The following UCMA variants were observed in gnomAD, a reference collection of about 807,000 sequenced individuals.
The protein encoded by UCMA is upper zone of growth plate and cartilage matrix-associated protein.
Under a neutral mutation model 21.8 loss-of-function variants are expected in UCMA, and 21 were observed. The observed-to-expected ratio is 0.97, with a 90% CI of 0.68 to 1.39. The LOEUF is 1.39. Ranked by LOEUF, UCMA falls within the 40% of genes most tolerant of loss-of-function variation. The pLI, the probability that UCMA is intolerant of heterozygous loss-of-function variation, is 0.00. For missense variants in UCMA, 193 were observed against 178.9 expected (o/e 1.08, Z -0.45); for synonymous variants, 76 against 67.9 (o/e 1.12, Z -0.58).
rs1834941418 is a variant in UCMA, at chr10:13,234,273, G to A, written c.-15C>T. On this transcript the variant is annotated 5_prime_UTR_variant, in exon 1 of 5. Coordinates refer to ENST00000378681, the MANE Select transcript of UCMA (RefSeq NM_145314.3). The stretch of plus-strand genomic sequence containing the variant: ...CTCCAAGTCATCTTTGCAGAGGTAG[G>A]GGCTCCGTCCAGGACCCACAAGGCA... 8.1e-6 allele frequency: 13 copies of A among 1,613,240 alleles called. No homozygotes were observed. The highest frequency in any genetic ancestry group is 9.3e-6 in the Non-Finnish European group (11 of 1,179,894).
intron 3 of UCMA, among the ~76,000 whole-genome samples, chr10:13,232,374 A>G (rs79766380): frequency 3.4e-5 from 2 of 59,604 alleles, no homozygotes; most frequent in South Asian, 6.1e-4. Flanking sequence ...TCCATCTCAA[A>G]AAAAAAAAAA....
At chr10:13,232,691 T>A (rs181761573) in intron 3 of UCMA, among the ~76,000 whole-genome samples, 1 of 152,300 alleles carries the variant, frequency 6.6e-6, no homozygotes, top group Non-Finnish European at 1.5e-5. Context: ...GCAAGTCACC[T>A]TGCTGAGTGC....
At chr10:13,231,107 CTTAA>C (rs1311207369) in intron 3 of UCMA, among the ~76,000 whole-genome samples, 3 of 151,962 alleles carry the variant, frequency 2.0e-5, no homozygotes, top group Non-Finnish European at 2.9e-5. Context: ...AGACGCTTAC[CTTAA>C]TTAATGAATT....
intron 3 of UCMA, 69 bp downstream of exon 3, chr10:13,233,469 G>A: frequency 1.6e-6 from 2 of 1,284,910 alleles, no homozygotes; most frequent in South Asian, 1.3e-5. Context: ...GACTGTGGGA[G>A]AGGAGGAGCC....
At position 13,234,279 on chromosome 10, in the gene UCMA, C is replaced by T. The variant is rs748182067; in HGVS notation, c.-21G>A. ...GTCATCTTTGCAGAGGTAGGGGCTC[C>T]GTCCAGGACCCACAAGGCAGACCAG... is the stretch of plus-strand genomic sequence containing the variant. On this transcript the variant is annotated 5_prime_UTR_variant, in exon 1 of 5. Coordinates refer to ENST00000378681, the MANE Select transcript of UCMA (RefSeq NM_145314.3). 1.2e-5 allele frequency: 19 copies of T among 1,612,516 alleles called. No individual in the cohort carries two copies. The highest frequency in any genetic ancestry group is 1.8e-4 in the Middle Eastern group (1 of 5,678).
intron 4 of UCMA, among the ~76,000 whole-genome samples, chr10:13,226,570 C>T (rs1834826325): frequency 6.6e-6 from 1 of 152,132 alleles, no homozygotes; most frequent in African/African-American, 2.4e-5. Context: ...AGCAATGCTC[C>T]CACTTTGGCC....
At chr10:13,232,381 AAAAAAAAAAAAAAAG>A (rs1015744754) in intron 3 of UCMA, among the ~76,000 whole-genome samples, 1 of 149,768 alleles carries the variant, frequency 6.7e-6, no homozygotes, top group Non-Finnish European at 1.5e-5. Context: ...CAAAAAAAAA[AAAAAAAAAAAAAAAG>A]AGGACAGAAG....
At position 13,227,669 on chromosome 10, in the gene UCMA, A is replaced by G. The variant is rs147829406; in HGVS notation, c.319+1942T>C. On this transcript the variant is annotated intron_variant, in intron 4 of 4. Coordinates refer to ENST00000378681, the MANE Select transcript of UCMA (RefSeq NM_145314.3). ...GAGCGGGAGGTTGCGGTGAGCTGAG[A>G]TCATGCCACTGCACTCCAGCCTGGG... 3.2e-3 allele frequency among the ~76,000 whole-genome samples: 465 copies of G among 145,660 alleles called. 6 individuals carry two copies. Among genetic ancestry groups the G allele is most frequent in the African/African-American group, 0.011 (423 of 39,576 alleles).
At chr10:13,224,552 TAAA>T (rs1330243589) in intron 4 of UCMA, among the ~76,000 whole-genome samples, 1 of 152,166 alleles carries the variant, frequency 6.6e-6, no homozygotes, top group Non-Finnish European at 1.5e-5. Context: ...TGTCAAGAAT[TAAA>T]GAACCAAGAT....
At chr10:13,231,889 A>G (rs777206993) in intron 3 of UCMA, among the ~76,000 whole-genome samples, 4 of 152,210 alleles carry the variant, frequency 2.6e-5, no homozygotes, top group African/African-American at 4.8e-5. Context: ...ATCCAACCTG[A>G]GGCATCGCTG....
In UCMA at chr10:13,228,767, C is replaced by G. The variant is rs114981566; in HGVS notation, c.319+844G>C. Among the ~76,000 whole-genome samples the G allele has an allele frequency of 3.9e-5, 6 of 152,072 alleles. No individual in the cohort carries two copies. The East Asian group carries it at 1.2e-3, about 29-fold the overall frequency. On this transcript the variant is annotated intron_variant, in intron 4 of 4. Coordinates refer to ENST00000378681, the MANE Select transcript of UCMA (RefSeq NM_145314.3). ...CTTAGACGGAGAACACAGACCAGTG[C>G]GGTGATGCCCAAATAGGAGGAGGGA...
At chr10:13,228,848 C>CT (rs1834859160) in intron 4 of UCMA, among the ~76,000 whole-genome samples, 1 of 151,840 alleles carries the variant, frequency 6.6e-6, no homozygotes, top group South Asian at 2.1e-4. Flanking sequence ...TCCCCACAGC[C>CT]CCAAGCCAAT....
At chr10:13,230,899 A>G (rs1357325307) in intron 3 of UCMA, among the ~76,000 whole-genome samples, 1 of 152,190 alleles carries the variant, frequency 6.6e-6, no homozygotes, top group East Asian at 1.9e-4. Flanking sequence ...TCTACTAAAA[A>G]TACAACAATT....
At chr10:13,234,122 C>G in intron 1 of UCMA, 79 bp downstream of exon 1, 3 of 1,400,760 alleles carry the variant, frequency 2.1e-6, no homozygotes, top group Non-Finnish European at 2.9e-6. Flanking sequence ...CCTGCATCAC[C>G]TGAGCAGCCT....
intron 3 of UCMA, among the ~76,000 whole-genome samples, chr10:13,231,652 G>A (rs1262219486): frequency 6.6e-6 from 1 of 152,218 alleles, no homozygotes; most frequent in African/African-American, 2.4e-5. Context: ...ACAAATTAGA[G>A]CTTTGACGTA....
At chr10:13,223,105 A>T (rs2131601306) in intron 4 of UCMA, among the ~76,000 whole-genome samples, 1 of 152,142 alleles carries the variant, frequency 6.6e-6, no homozygotes, top group Admixed American at 6.5e-5. Context: ...ACACACCTGT[A>T]ATCCCAGCTA....
In UCMA at chr10:13,226,684, G is replaced by A. The variant is rs936833910; in HGVS notation, c.319+2927C>T. Among the ~76,000 whole-genome samples the A allele has an allele frequency of 7.2e-5, 11 of 152,100 alleles. No homozygotes were observed. In the South Asian group the frequency reaches 8.3e-4, roughly 11 times the overall value. On this transcript the variant is annotated intron_variant, in intron 4 of 4. Coordinates refer to ENST00000378681, the MANE Select transcript of UCMA (RefSeq NM_145314.3). ...ACAAGACCTGTCTCAGAGGCAGTTC[G>A]TGAGGATTAGGTGGCCACTTACAGT...
intron 3 of UCMA, among the ~76,000 whole-genome samples, chr10:13,230,478 C>T (rs1289881624): frequency 3.9e-5 from 6 of 152,190 alleles, no homozygotes; most frequent in Admixed American, 6.5e-5. Context: ...TCCCCCAACA[C>T]GAGCTTCAAC....
At chr10:13,228,788 A>T (rs1834858289) in intron 4 of UCMA, among the ~76,000 whole-genome samples, 1 of 151,996 alleles carries the variant, frequency 6.6e-6, no homozygotes, top group African/African-American at 2.4e-5. Flanking sequence ...AAATAGGAGG[A>T]GGGAGGGAAA....
Sources: gnomAD v4.1 joint callset for allele counts (sites outside exome capture counted in the v4.1 genomes callset) on GRCh38, gnomAD v4.1.1 for gene constraint, MANE v1.5 for transcripts, NCBI Gene and HGNC (gene_info 2026-07-23, HGNC 2026-07-21) for gene names.